Variants in ANKRD36C observed in about 807,000 individuals in gnomAD.
The protein encoded by ANKRD36C is ankyrin repeat domain-containing protein 36C.
A neutral mutation model predicts 276.4 loss-of-function variants in ANKRD36C; 61 were observed. The observed-to-expected ratio is 0.22, with a 90% CI of 0.18 to 0.27. The LOEUF is 0.27. Ranked by LOEUF, ANKRD36C falls within the 10% of genes least tolerant of loss-of-function variation. ANKRD36C has a pLI of 1.00. For missense variants in ANKRD36C, 1,447 were observed against 2,032.3 expected (o/e 0.71, Z 5.54); for synonymous variants, 483 against 680.1 (o/e 0.71, Z 4.51).
intron 26 of ANKRD36C, among the ~76,000 whole-genome samples, chr2:95,928,672 T>G (rs1488193956): frequency 6.6e-6 from 1 of 151,550 alleles, no homozygotes; most frequent in Non-Finnish European, 1.5e-5. Context: ...CTACAGTGTT[T>G]ATGGAGTTAT....
chr2:95,939,991 C>T (rs1447388457), intron 20 of ANKRD36C, among the ~76,000 whole-genome samples: 3 of 152,306 alleles, frequency 2.0e-5, no homozygotes, highest in Non-Finnish European at 4.4e-5. Flanking sequence ...TCTGAATCAC[C>T]ATTGACTTTT....
intron 59 of ANKRD36C, among the ~76,000 whole-genome samples, chr2:95,868,906 T>C (rs1194180522): frequency 2.6e-5 from 4 of 152,296 alleles, no homozygotes; most frequent in African/African-American, 9.6e-5. Context: ...AGGTTTTTTT[T>C]ACCCTAGTTT....
At chr2:95,987,368 C>A (rs2261752) in intron 1 of ANKRD36C, among the ~76,000 whole-genome samples, 162 bp from the exon 2 acceptor site, 1 of 152,252 alleles carries the variant, frequency 6.6e-6, no homozygotes, top group Non-Finnish European at 1.5e-5. Flanking sequence ...AATAGAAAAG[C>A]CTTGGCTTTT....
At chr2:95,921,092 A>C (rs575326439) in intron 34 of ANKRD36C, among the ~76,000 whole-genome samples, 1 of 150,646 alleles carries the variant, frequency 6.6e-6, no homozygotes, top group South Asian at 2.1e-4. Flanking sequence ...GAAACCCCTA[A>C]ATTATATAAA....
At chr2:95,871,148 T>C (rs1181004418) in intron 59 of ANKRD36C, among the ~76,000 whole-genome samples, 1 of 151,978 alleles carries the variant, frequency 6.6e-6, no homozygotes, top group Non-Finnish European at 1.5e-5. Flanking sequence ...AACATTCAGA[T>C]TCAGGAAATA....
chr2:95,928,101 G>A (rs2104436270), intron 26 of ANKRD36C, among the ~76,000 whole-genome samples: 1 of 151,648 alleles, frequency 6.6e-6, no homozygotes, highest in Middle Eastern at 3.4e-3. Flanking sequence ...AATTACCAAT[G>A]TTAACATACT....
intron 17 of ANKRD36C, among the ~76,000 whole-genome samples, chr2:95,947,484 T>A (rs1286110580): frequency 6.6e-6 from 1 of 152,168 alleles, no homozygotes; most frequent in Non-Finnish European, 1.5e-5. Flanking sequence ...CAAATAGATT[T>A]TCTAGCTTCA....
At chr2:95,880,401 A>C (rs1676049887) in intron 58 of ANKRD36C, 26 bp downstream of exon 78, 1 of 1,523,084 alleles carries the variant, frequency 6.6e-7, no homozygotes. Flanking sequence ...TTCTTTCCAG[A>C]GTTAAATCTA....
At position 95,880,581 on chromosome 2, in the gene ANKRD36C, G is replaced by A; in HGVS notation, c.3396+14C>T. The A allele has an allele frequency of 6.5e-7, 1 of 1,531,912 alleles. No homozygotes were observed. The allele number at this position is 1,531,912 out of a possible 1,614,324, so 94.9% of individuals were successfully genotyped here. On this transcript the variant is annotated intron_variant, in intron 57 of 66. Coordinates refer to ENST00000456556, the Ensembl canonical transcript of ANKRD36C. ...GCAGTTAATAATTAAAAATATAAATGTAAGAGTAATTACCTTCAAGGTGGG... is the reference window on the plus strand; with the variant it reads ...GCAGTTAATAATTAAAAATATAAATATAAGAGTAATTACCTTCAAGGTGGG...
intron 38 of ANKRD36C, 47 bp downstream of exon 40, chr2:95,915,933 T>C (rs1259625373): frequency 7.8e-6 from 12 of 1,535,906 alleles, no homozygotes; most frequent in Non-Finnish European, 1.1e-5. Flanking sequence ...GGAAGAGAAC[T>C]TCTTATCTGG....
At position 95,897,427 on chromosome 2, in the gene ANKRD36C, G is replaced by C; in HGVS notation, c.2755+1718C>G. ...TTACTAGTTCACAATATAAATGACA[G>C]TTTCATTACCTTCAAGCCTGGTGGT... On this transcript the variant is annotated intron_variant, in intron 44 of 66. Coordinates refer to ENST00000456556, the Ensembl canonical transcript of ANKRD36C. The C allele has an allele frequency of 2.6e-6, 4 of 1,541,120 alleles. No individual in the cohort carries two copies. The highest frequency in any genetic ancestry group is 2.6e-6 in the Non-Finnish European group (3 of 1,138,422).
chr2:95,853,998 A>G (rs1573716294), intron 63 of ANKRD36C, 137 bp from the exon 84 acceptor site: 1 of 734,774 alleles, frequency 1.4e-6, no homozygotes, highest in East Asian at 2.8e-5. Context: ...TCATGTGTAC[A>G]CATTCCCGTG....
At chr2:95,956,740 A>T in intron 13 of ANKRD36C, 46 bp downstream of exon 13, 1 of 1,500,024 alleles carries the variant, frequency 6.7e-7, no homozygotes, top group Non-Finnish European at 9.0e-7. Context: ...TATTCTCTCT[A>T]TTAACTAAGT....
intron 44 of ANKRD36C, among the ~76,000 whole-genome samples, chr2:95,892,415 G>T (rs115772632): frequency 5.9e-5 from 9 of 151,412 alleles, no homozygotes; most frequent in African/African-American, 1.7e-4. Flanking sequence ...ATGATACCTC[G>T]TAGATAATAT....
At chr2:95,884,306 T>C in intron 53 of ANKRD36C, 34 bp downstream of exon 73, 1 of 1,610,562 alleles carries the variant, frequency 6.2e-7, no homozygotes, top group Non-Finnish European at 8.5e-7. Flanking sequence ...ACTATACAAT[T>C]ACTAGTTCAC....
intron 64 of ANKRD36C, chr2:95,852,993 T>C (rs1319150156): frequency 5.3e-5 from 8 of 152,222 alleles, no homozygotes; most frequent in African/African-American, 1.4e-4. Context: ...AATGCCCACT[T>C]AACCAACCCA....
chr2:95,876,607 T>C (rs1573733706), intron 58 of ANKRD36C, 95 bp from the exon 79 acceptor site: 1 of 658,672 alleles, frequency 1.5e-6, no homozygotes, highest in Admixed American at 2.5e-5. Context: ...ATCCCAGCAC[T>C]TTGGGAGGCC....
chr2:95,870,228 C>T (rs548987707), intron 59 of ANKRD36C, among the ~76,000 whole-genome samples: 5 of 152,320 alleles, frequency 3.3e-5, no homozygotes, highest in Admixed American at 6.5e-5. Context: ...AGACCCTGAC[C>T]ACTGACCCCC....
intron 58 of ANKRD36C, among the ~76,000 whole-genome samples, chr2:95,880,002 G>A (rs1306564539): frequency 7.1e-6 from 1 of 141,374 alleles, no homozygotes; most frequent in Non-Finnish European, 1.5e-5. Context: ...CCAACATGGA[G>A]AAAGCCTGTC....
Sources: gnomAD v4.1 joint callset for allele counts (sites outside exome capture counted in the v4.1 genomes callset) on GRCh38, gnomAD v4.1.1 for gene constraint, MANE v1.5 for transcripts, NCBI Gene and HGNC (gene_info 2026-07-23, HGNC 2026-07-21) for gene names.